Variants in GRIN3A observed in about 807,000 individuals in gnomAD.
GRIN3A encodes glutamate receptor ionotropic, NMDA 3A.
GRIN3A carries 47 observed loss-of-function variants against 92.4 expected under a neutral mutation model. The observed-to-expected ratio is 0.51, with a 90% CI of 0.40 to 0.65. The LOEUF (loss-of-function observed/expected upper bound fraction) is 0.65. Among genes scored for constraint, GRIN3A ranks in the 30% least tolerant of loss-of-function variants. GRIN3A has a pLI of 0.00. For synonymous variants in GRIN3A, 527 were observed against 540.6 expected, an observed-to-expected ratio of 0.97 and a Z score of 0.35; for missense variants, 1,324 against 1,393.1, an observed-to-expected ratio of 0.95 and a Z score of 0.79.
intron 1 of GRIN3A, among the ~76,000 whole-genome samples, chr9:101,731,724 A>G (rs1442812515): frequency 6.6e-6 from 1 of 152,214 alleles, no homozygotes; most frequent in Non-Finnish European, 1.5e-5. Context: ...AATCTTACAC[A>G]ATTAAATAAA....
chr9:101,579,236 T>C lies in GRIN3A; in HGVS notation c.2891A>G (p.Lys964Arg), dbSNP rs1262808209. Residue 964 changes from lysine (K) to arginine (R), a missense_variant, in exon 7 of 9, where the codon AAA becomes AGA. Lys to Arg is a conservative substitution (Grantham distance 26). Coordinates refer to ENST00000361820, the MANE Select transcript of GRIN3A (RefSeq NM_133445.3). ...IVYRLLLPRI[K>R]NKSKLQYWLH... ...CCAGTATTGCAGCTTGGATTTGTTT[T>C]TGATTCGTGGTAGCAGCAGCCTGTA... The C allele has an allele frequency of 1.2e-6, 2 of 1,613,996 alleles. No homozygotes were observed. The highest frequency in any genetic ancestry group is 1.7e-6 in the Non-Finnish European group (2 of 1,179,922).
intron 3 of GRIN3A, among the ~76,000 whole-genome samples, chr9:101,635,846 G>A (rs1364251994): frequency 6.6e-6 from 1 of 152,150 alleles, no homozygotes; most frequent in African/African-American, 2.4e-5. Flanking sequence ...TAAGGCTGAG[G>A]TTATAAAAAT....
intron 6 of GRIN3A, among the ~76,000 whole-genome samples, chr9:101,589,165 G>T (rs961877926): frequency 6.6e-6 from 1 of 152,064 alleles, no homozygotes; most frequent in African/African-American, 2.4e-5. Flanking sequence ...TAGAGATGGG[G>T]TTTCAGCATG....
chr9:101,713,054 G>T (rs190385215), intron 1 of GRIN3A, among the ~76,000 whole-genome samples: 133 of 152,210 alleles, frequency 8.7e-4, no homozygotes, highest in African/African-American at 2.9e-3. Context: ...GGGTCTTCTG[G>T]CTCTTAATTC....
chr9:101,660,836 G>A (rs570242985), intron 3 of GRIN3A, among the ~76,000 whole-genome samples: 3 of 151,780 alleles, frequency 2.0e-5, no homozygotes, highest in East Asian at 1.9e-4. Context: ...TATCAAAAAC[G>A]TTGATTTCAA....
At chr9:101,726,908 G>A (rs1329400563) in intron 1 of GRIN3A, among the ~76,000 whole-genome samples, 1 of 151,994 alleles carries the variant, frequency 6.6e-6, no homozygotes, top group Non-Finnish European at 1.5e-5. Context: ...CCATATTTGG[G>A]TAGAGGCTAT....
intron 3 of GRIN3A, among the ~76,000 whole-genome samples, chr9:101,662,527 T>C (rs1029080468): frequency 1.3e-5 from 2 of 151,688 alleles, no homozygotes; most frequent in African/African-American, 2.4e-5. Flanking sequence ...TCTTTTATTA[T>C]TACCAATATT....
chr9:101,614,952 G>A, intron 5 of GRIN3A, among the ~76,000 whole-genome samples: 1 of 151,994 alleles, frequency 6.6e-6, no homozygotes, highest in South Asian at 2.1e-4. Context: ...CAAAACCAAG[G>A]ATAAAATAAA....
intron 5 of GRIN3A, among the ~76,000 whole-genome samples, chr9:101,615,386 C>CTTTT (rs547717146): frequency 5.6e-5 from 7 of 124,288 alleles, no homozygotes; most frequent in Admixed American, 1.7e-4. Flanking sequence ...ATTTTTGTTC[C>CTTTT]TTTTTTTTTT....
At chr9:101,574,979 C>G (rs147287604) in intron 8 of GRIN3A, among the ~76,000 whole-genome samples, 65 of 152,354 alleles carry the variant, frequency 4.3e-4, no homozygotes, top group African/African-American at 1.5e-3. Context: ...GACATATGAG[C>G]AAACCCAGCC....
chr9:101,669,980 A>G lies in GRIN3A; in HGVS notation c.2352+80T>C. 2.8e-6 allele frequency: 3 copies of G among 1,080,972 alleles called. No individual in the cohort carries two copies. In the Middle Eastern group the frequency reaches 6.6e-4, roughly 236 times the overall value. 67.0% of individuals were successfully genotyped at this position (1,080,972 alleles called of 1,614,324 possible). A position where few individuals can be genotyped will look rare whatever the true frequency, so the allele number is the denominator to read the frequency against. On this transcript the variant is annotated intron_variant, in intron 3 of 8. Transcript: ENST00000361820. The stretch of plus-strand genomic sequence containing the variant: ...ATATTCCTGTGTTAGATGGAAGAAC[A>G]TGAGCATACTACAGCAGAAGATACA...
At chr9:101,580,705 C>T (rs1564118201) in intron 6 of GRIN3A, among the ~76,000 whole-genome samples, 1 of 152,210 alleles carries the variant, frequency 6.6e-6, no homozygotes, top group East Asian at 1.9e-4. Flanking sequence ...TGCTTACTTT[C>T]TGCCAAGTGT....
At chr9:101,691,833 T>C (rs1829624551) in intron 1 of GRIN3A, among the ~76,000 whole-genome samples, 1 of 152,194 alleles carries the variant, frequency 6.6e-6, no homozygotes, top group Non-Finnish European at 1.5e-5. Flanking sequence ...GGGCAACCTA[T>C]GCTTAAGTTC....
intron 3 of GRIN3A, among the ~76,000 whole-genome samples, chr9:101,651,365 A>AG (rs1395958045): frequency 6.6e-6 from 1 of 152,024 alleles, no homozygotes; most frequent in Non-Finnish European, 1.5e-5. Context: ...AATTAAAGGA[A>AG]GGAACGGAAA....
intron 7 of GRIN3A, among the ~76,000 whole-genome samples, chr9:101,578,720 A>G (rs1474018530): frequency 6.6e-6 from 1 of 152,152 alleles, no homozygotes; most frequent in Non-Finnish European, 1.5e-5. Context: ...GTAACAGGAG[A>G]GAACTGCGGC....
At chr9:101,721,229 A>G (rs114878120) in intron 1 of GRIN3A, among the ~76,000 whole-genome samples, 5,716 of 152,214 alleles carry the variant, frequency 0.038, 115 homozygotes, top group African/African-American at 0.055. Flanking sequence ...GTCTTACAAG[A>G]TCTGATGAGT....
intron 3 of GRIN3A, among the ~76,000 whole-genome samples, chr9:101,632,498 A>G (rs942894458): frequency 5.3e-5 from 4 of 76,148 alleles, no homozygotes; most frequent in African/African-American, 2.5e-4. Context: ...ATGAATTGTC[A>G]TCATTATTAA....
intron 3 of GRIN3A, among the ~76,000 whole-genome samples, chr9:101,644,159 GAATA>G (rs1436328081): frequency 6.6e-6 from 1 of 151,712 alleles, no homozygotes; most frequent in Non-Finnish European, 1.5e-5. Context: ...TTTTTTAAAT[GAATA>G]AAAATTGATT....
In GRIN3A at chr9:101,572,994, A is replaced by C. The variant is rs1827779996; in HGVS notation, c.*180T>G. 6 of 627,228 alleles carry C rather than the reference A, an allele frequency of 9.6e-6. No homozygotes were observed. The highest frequency in any genetic ancestry group is 1.7e-5 in the Non-Finnish European group (6 of 347,882). The allele number at this position is 627,228 out of a possible 1,614,324, so 38.9% of individuals were successfully genotyped here. ...AAACACTCCTACCCTGGAGACCTAG[A>C]GAGTGAGCTTGAGAGGAGCTGCTGC... On this transcript the variant is annotated 3_prime_UTR_variant, in exon 9 of 9. Transcript: ENST00000361820.
Sources: gnomAD v4.1 joint callset for allele counts (sites outside exome capture counted in the v4.1 genomes callset) on GRCh38, gnomAD v4.1.1 for gene constraint, MANE v1.5 for transcripts, NCBI Gene and HGNC (gene_info 2026-07-23, HGNC 2026-07-21) for gene names.